The following SHISA6 variants were observed in gnomAD, a reference collection of about 807,000 sequenced individuals.
The protein encoded by SHISA6 is protein shisa-6.
A neutral mutation model predicts 47.9 loss-of-function variants in SHISA6; 22 were observed. That is an observed-to-expected ratio of 0.46 (90% confidence interval 0.33 to 0.66). SHISA6 has a LOEUF of 0.66. Among genes scored for constraint, SHISA6 ranks in the 30% least tolerant of loss-of-function variants. The pLI, the probability that SHISA6 is intolerant of heterozygous loss-of-function variation, is 0.02. For synonymous variants in SHISA6, 388 were observed against 337.8 expected (o/e 1.15, Z -1.63); for missense variants, 680 against 764.6 (o/e 0.89, Z 1.30).
intron 1 of SHISA6, among the ~76,000 whole-genome samples, chr17:11,250,623 AG>A (rs1156784944): frequency 2.0e-5 from 3 of 152,190 alleles, no homozygotes; most frequent in African/African-American, 4.8e-5. Context: ...GGGTTGGTAA[AG>A]GGCTGGGCAT....
At chr17:11,348,044 T>G (rs977092051) in intron 2 of SHISA6, among the ~76,000 whole-genome samples, 7 of 152,224 alleles carry the variant, frequency 4.6e-5, no homozygotes, top group Non-Finnish European at 7.3e-5. Flanking sequence ...AATTCTATTT[T>G]GTTTACAGAA....
chr17:11,388,176 T>A (rs1913255698), intron 3 of SHISA6, among the ~76,000 whole-genome samples: 1 of 150,938 alleles, frequency 6.6e-6, no homozygotes. Flanking sequence ...GCCAGGGGAG[T>A]GAGTGGGTTT....
At chr17:11,405,595 A>C (rs1913925158) in intron 3 of SHISA6, among the ~76,000 whole-genome samples, 1 of 152,116 alleles carries the variant, frequency 6.6e-6, no homozygotes, top group South Asian at 2.1e-4. Flanking sequence ...CAAGGTCAGC[A>C]GTTCGAGACC....
chr17:11,372,550 T>C (rs1912660564), intron 2 of SHISA6, among the ~76,000 whole-genome samples: 1 of 152,220 alleles, frequency 6.6e-6, no homozygotes, highest in Non-Finnish European at 1.5e-5. Context: ...AGTGGGGTAC[T>C]ACCTATTGCT....
intron 3 of SHISA6, among the ~76,000 whole-genome samples, chr17:11,502,416 A>T (rs2071462138): frequency 7.5e-6 from 1 of 133,900 alleles, no homozygotes; most frequent in African/African-American, 2.9e-5. Flanking sequence ...CTCAAAAAAA[A>T]AAAAAAAAAA....
intron 3 of SHISA6, among the ~76,000 whole-genome samples, chr17:11,400,732 A>G (rs1483009064): frequency 6.6e-6 from 1 of 152,152 alleles, no homozygotes; most frequent in Non-Finnish European, 1.5e-5. Flanking sequence ...CCACCTTCAG[A>G]GTCATTCTGA....
intron 4 of SHISA6, 81 bp from the exon 5 acceptor site, chr17:11,555,659 C>T (rs543163987): frequency 3.8e-5 from 54 of 1,408,078 alleles, no homozygotes; most frequent in Non-Finnish European, 4.7e-5. Flanking sequence ...GATGGGGATT[C>T]GAATCAGGGG....
intron 3 of SHISA6, among the ~76,000 whole-genome samples, chr17:11,472,020 T>C (rs1282806591): frequency 6.6e-6 from 1 of 152,174 alleles, no homozygotes; most frequent in African/African-American, 2.4e-5. Flanking sequence ...GACAAAAGTA[T>C]AATGGTGTGT....
At chr17:11,306,075 T>C (rs567228934) in intron 2 of SHISA6, among the ~76,000 whole-genome samples, 7 of 152,122 alleles carry the variant, frequency 4.6e-5, no homozygotes, top group African/African-American at 7.2e-5. Flanking sequence ...AAAAAATAGC[T>C]CATTTTACTG....
chr17:11,293,121 G>A (rs1232029233), intron 2 of SHISA6, among the ~76,000 whole-genome samples: 5 of 152,124 alleles, frequency 3.3e-5, no homozygotes, highest in East Asian at 1.9e-4. Flanking sequence ...CACTGCGCCC[G>A]GCCTCCAGAT....
chr17:11,500,137 T>TG (rs2142345870), intron 3 of SHISA6, among the ~76,000 whole-genome samples: 1 of 152,300 alleles, frequency 6.6e-6, no homozygotes, highest in South Asian at 2.1e-4. Flanking sequence ...GGGCACACCC[T>TG]GGCCAAGGGA....
intron 3 of SHISA6, among the ~76,000 whole-genome samples, chr17:11,458,140 G>A (rs183743192): frequency 3.5e-4 from 53 of 151,344 alleles, no homozygotes; most frequent in African/African-American, 1.1e-3. Flanking sequence ...CACTTACCAT[G>A]TGTTAAGAAT....
At chr17:11,386,192 A>G (rs1913189309) in intron 3 of SHISA6, among the ~76,000 whole-genome samples, 1 of 152,190 alleles carries the variant, frequency 6.6e-6, no homozygotes, top group African/African-American at 2.4e-5. Flanking sequence ...TCTGACCAAC[A>G]TGGCGAAACC....
intron 2 of SHISA6, among the ~76,000 whole-genome samples, chr17:11,309,278 G>A (rs551498137): frequency 4.1e-4 from 63 of 152,348 alleles, no homozygotes; most frequent in African/African-American, 1.5e-3. Context: ...CATGAAGCAA[G>A]TGTTTGCTGG....
chr17:11,367,728 G>A (rs955020906), intron 2 of SHISA6, among the ~76,000 whole-genome samples: 1 of 152,152 alleles, frequency 6.6e-6, no homozygotes, highest in East Asian at 1.9e-4. Flanking sequence ...GAATGAGATG[G>A]AGGCTGAGGA....
At position 11,276,379 on chromosome 17, in the gene SHISA6, T is replaced by A. The variant is rs939205993; in HGVS notation, c.799+12853T>A. Among the ~76,000 whole-genome samples the A allele has an allele frequency of 3.3e-5, 5 of 152,274 alleles. No homozygotes were observed. The South Asian group carries it at 1.0e-3, about 32-fold the overall frequency. ...GATGGGAGGGAGATGGGACTTGGAC[T>A]GGAATGTCAGTGATGGAAGATGTGA... On this transcript the variant is annotated intron_variant, in intron 2 of 5. Transcript: ENST00000441885.
At chr17:11,491,353 G>A (rs1164691396) in intron 3 of SHISA6, among the ~76,000 whole-genome samples, 1 of 152,176 alleles carries the variant, frequency 6.6e-6, no homozygotes, top group Non-Finnish European at 1.5e-5. Context: ...GCAGTGGGCG[G>A]TGGGAGGGAC....
At chr17:11,349,951 C>G (rs1048740814) in intron 2 of SHISA6, among the ~76,000 whole-genome samples, 3 of 152,010 alleles carry the variant, frequency 2.0e-5, no homozygotes, top group African/African-American at 7.2e-5. Flanking sequence ...CCAAGAGGGA[C>G]AAAAGGAGAG....
At chr17:11,435,827 A>G (rs746638550) in intron 3 of SHISA6, among the ~76,000 whole-genome samples, 11 of 152,184 alleles carry the variant, frequency 7.2e-5, no homozygotes, top group Non-Finnish European at 1.5e-4. Flanking sequence ...AGGTGCCTCC[A>G]TGCTTACCTC....
Sources: gnomAD v4.1 joint callset for allele counts (sites outside exome capture counted in the v4.1 genomes callset) on GRCh38, gnomAD v4.1.1 for gene constraint, MANE v1.5 for transcripts, NCBI Gene and HGNC (gene_info 2026-07-23, HGNC 2026-07-21) for gene names.